Variants in TSGA10 observed in about 807,000 individuals in gnomAD.
The protein encoded by TSGA10 is testis specific 10, also known as testis-specific gene 10 protein.
Under a neutral mutation model 96.6 loss-of-function variants are expected in TSGA10, and 43 were observed. That is an observed-to-expected ratio of 0.44 (90% CI 0.35 to 0.57). The LOEUF is 0.57. Ranked by LOEUF, TSGA10 falls within the 20% of genes least tolerant of loss-of-function variation. TSGA10 has a pLI of 0.01. For synonymous variants in TSGA10, 229 were observed against 269.9 expected, an observed-to-expected ratio of 0.85 and a Z score of 1.48; for missense variants, 703 against 834.4, an observed-to-expected ratio of 0.84 and a Z score of 1.94.
chr2:99,147,909 C>A (rs1014334423), intron 1 of TSGA10, among the ~76,000 whole-genome samples: 7 of 152,262 alleles, frequency 4.6e-5, no homozygotes, highest in African/African-American at 1.7e-4. Context: ...CTTATATAAC[C>A]ACAATACAAT....
At chr2:99,068,076 A>G (rs529587400) in intron 15 of TSGA10, among the ~76,000 whole-genome samples, 20 of 152,282 alleles carry the variant, frequency 1.3e-4, no homozygotes, top group African/African-American at 4.6e-4. Flanking sequence ...GAAGTGTAGG[A>G]AACCACGTGC....
intron 3 of TSGA10, among the ~76,000 whole-genome samples, chr2:99,118,121 T>G (rs963069597): frequency 2.0e-5 from 3 of 152,112 alleles, no homozygotes; most frequent in African/African-American, 7.2e-5. Context: ...TAAGAGTTCT[T>G]TTAATTAAAT....
intron 10 of TSGA10, among the ~76,000 whole-genome samples, chr2:99,092,514 A>G (rs1483176357): frequency 6.6e-6 from 1 of 152,178 alleles, no homozygotes; most frequent in Non-Finnish European, 1.5e-5. Flanking sequence ...GATAAGTAAA[A>G]TTGATAGACC....
chr2:99,137,290 C>T (rs867774826), intron 1 of TSGA10, among the ~76,000 whole-genome samples: 1 of 152,318 alleles, frequency 6.6e-6, no homozygotes, highest in Middle Eastern at 3.4e-3. Context: ...CCACTGCACC[C>T]GGCCAAGACT....
intron 20 of TSGA10, among the ~76,000 whole-genome samples, chr2:99,004,738 T>C (rs963553532): frequency 6.6e-6 from 1 of 152,196 alleles, no homozygotes; most frequent in African/African-American, 2.4e-5. Context: ...TACCATTCCA[T>C]CTGAAACTAT....
At chr2:99,152,077 C>T (rs1003615623) in intron 1 of TSGA10, among the ~76,000 whole-genome samples, 9 of 152,116 alleles carry the variant, frequency 5.9e-5, no homozygotes, top group Non-Finnish European at 1.3e-4. Context: ...AAAAAAAATA[C>T]ATAAATCATT....
chr2:99,126,807 G>T, intron 2 of TSGA10: 1 of 196,050 alleles, frequency 5.1e-6, no homozygotes, highest in Non-Finnish European at 1.0e-5. Flanking sequence ...TCGCAAGTTG[G>T]GGATGATTAA....
chr2:99,013,645 A>C (rs2079214554), intron 20 of TSGA10, among the ~76,000 whole-genome samples: 1 of 151,564 alleles, frequency 6.6e-6, no homozygotes, highest in Non-Finnish European at 1.5e-5. Flanking sequence ...GTATCTTCTT[A>C]AACCACAGTG....
intron 4 of TSGA10, chr2:99,116,996 T>C (rs1276189327): frequency 6.6e-6 from 1 of 152,234 alleles, no homozygotes; most frequent in Non-Finnish European, 1.5e-5. Context: ...AACTGTATTT[T>C]TGTACCAATT....
chr2:99,099,511 C>T (rs1296397819), intron 10 of TSGA10, among the ~76,000 whole-genome samples: 1 of 152,054 alleles, frequency 6.6e-6, no homozygotes, highest in Non-Finnish European at 1.5e-5. Flanking sequence ...TTAATCAGTG[C>T]AAGTTCACAT....
intron 16 of TSGA10, among the ~76,000 whole-genome samples, chr2:99,052,596 G>T (rs926690805): frequency 6.6e-6 from 1 of 151,894 alleles, no homozygotes; most frequent in African/African-American, 2.4e-5. Flanking sequence ...AAATTAGCCG[G>T]GCGTGGTGGC....
chr2:99,008,735 C>T (rs750174364), intron 20 of TSGA10, among the ~76,000 whole-genome samples: 9 of 152,140 alleles, frequency 5.9e-5, no homozygotes, highest in African/African-American at 1.4e-4. Flanking sequence ...TCATTACAGC[C>T]TTGTTTGTAA....
intron 1 of TSGA10, among the ~76,000 whole-genome samples, chr2:99,137,827 C>A (rs13012481): frequency 0.58 from 86,295 of 149,476 alleles, 25,760 homozygotes; most frequent in East Asian, 0.88. Context: ...GGATTTATTG[C>A]AGTGAGCCGA....
At chr2:99,102,357 G>A in intron 10 of TSGA10, 4 of 1,612,874 alleles carry the variant, frequency 2.5e-6, no homozygotes, top group South Asian at 1.1e-5. Context: ...ACAAAGCAGT[G>A]TCCCATCAGT....
intron 17 of TSGA10, among the ~76,000 whole-genome samples, chr2:99,022,376 G>A (rs561364928): frequency 1.4e-5 from 2 of 147,858 alleles, no homozygotes; most frequent in East Asian, 3.9e-4. Flanking sequence ...ACGTTCTCTG[G>A]CCCTAGGCAA....
chr2:99,085,770 A>G (rs1037250247), intron 10 of TSGA10, among the ~76,000 whole-genome samples: 2 of 151,828 alleles, frequency 1.3e-5, no homozygotes, highest in African/African-American at 4.8e-5. Flanking sequence ...TAAAAAAAAT[A>G]CATGTTGTAA....
intron 10 of TSGA10, chr2:99,102,822 T>C: frequency 8.1e-7 from 1 of 1,234,678 alleles, no homozygotes; most frequent in South Asian, 1.2e-5. Flanking sequence ...GAACTGTAAA[T>C]ATAAACCTAA....
intron 14 of TSGA10, among the ~76,000 whole-genome samples, chr2:99,070,581 A>G (rs1192725725): frequency 6.6e-6 from 1 of 152,130 alleles, no homozygotes; most frequent in Non-Finnish European, 1.5e-5. Context: ...TAGAAAAAAG[A>G]CTTTCTATAA....
chr2:99,059,530 T>G (rs1398563612), intron 16 of TSGA10, among the ~76,000 whole-genome samples: 1 of 151,518 alleles, frequency 6.6e-6, no homozygotes, highest in Admixed American at 6.6e-5. Context: ...TCCCAGCTAC[T>G]CGGGAGGCTG....
Sources: gnomAD v4.1 joint callset for allele counts (sites outside exome capture counted in the v4.1 genomes callset) on GRCh38, gnomAD v4.1.1 for gene constraint, MANE v1.5 for transcripts, NCBI Gene and HGNC (gene_info 2026-07-23, HGNC 2026-07-21) for gene names.